BNC2: variants seen among roughly 807,000 people sequenced by gnomAD.
BNC2 encodes the protein zinc finger protein basonuclin-2.
A neutral mutation model predicts 76.3 loss-of-function variants in BNC2; 20 were observed. The observed-to-expected ratio is 0.26, with a 90% CI of 0.18 to 0.38. BNC2 has a LOEUF of 0.38. BNC2 is among the 10% of genes least tolerant of loss of function. The pLI, the probability that BNC2 is intolerant of heterozygous loss-of-function variation, is 1.00. For synonymous variants in BNC2, 582 were observed against 514.8 expected, an observed-to-expected ratio of 1.13 and a Z score of -1.77; for missense variants, 1,382 against 1,399.8, an observed-to-expected ratio of 0.99 and a Z score of 0.20.
At chr9:16,663,769 A>C (rs1027497811) in intron 3 of BNC2, among the ~76,000 whole-genome samples, 1 of 152,214 alleles carries the variant, frequency 6.6e-6, no homozygotes, top group African/African-American at 2.4e-5. Flanking sequence ...TCAGGTGTGA[A>C]TATTATTTCC....
At chr9:16,774,943 AAT>A (rs1825924049) in intron 1 of BNC2, among the ~76,000 whole-genome samples, 1 of 152,206 alleles carries the variant, frequency 6.6e-6, no homozygotes, top group African/African-American at 2.4e-5. Flanking sequence ...CTTTTACTAA[AAT>A]ATGCTCAGTT....
intron 1 of BNC2, among the ~76,000 whole-genome samples, chr9:16,747,555 G>A (rs928918729): frequency 6.6e-6 from 1 of 152,192 alleles, no homozygotes; most frequent in African/African-American, 2.4e-5. Context: ...GGAAATCGAA[G>A]CTAAGAGAGT....
chr9:16,578,264 G>C (rs944134121), intron 4 of BNC2, among the ~76,000 whole-genome samples: 3 of 152,114 alleles, frequency 2.0e-5, no homozygotes, highest in African/African-American at 7.2e-5. Flanking sequence ...TTAGAATTCA[G>C]TTTGTTTTCT....
intron 2 of BNC2, among the ~76,000 whole-genome samples, chr9:16,733,347 G>A (rs1328741785): frequency 6.6e-6 from 1 of 152,104 alleles, no homozygotes; most frequent in Non-Finnish European, 1.5e-5. Flanking sequence ...ACTTTATTGT[G>A]TAAAGTTTCA....
chr9:16,664,698 CAAAAACAAA>C (rs1179669674), intron 3 of BNC2, among the ~76,000 whole-genome samples: 4 of 132,202 alleles, frequency 3.0e-5, no homozygotes, highest in African/African-American at 9.8e-5. Flanking sequence ...AGGAAAAAAA[CAAAAACAAA>C]AAAAACAAAA....
chr9:16,480,897 C>G (rs1021900743), intron 5 of BNC2, among the ~76,000 whole-genome samples: 2 of 152,244 alleles, frequency 1.3e-5, no homozygotes, highest in African/African-American at 4.8e-5. Context: ...AGTGCGAGCA[C>G]ATGGCACGGG....
chr9:16,473,840 T>G (rs1821874453), intron 5 of BNC2, among the ~76,000 whole-genome samples: 2 of 152,064 alleles, frequency 1.3e-5, no homozygotes, highest in Admixed American at 1.3e-4. Context: ...GCCACTGCAC[T>G]CCAGCCTGGG....
intron 6 of BNC2, among the ~76,000 whole-genome samples, chr9:16,425,048 T>C (rs1410319138): frequency 3.9e-5 from 6 of 152,236 alleles, no homozygotes; most frequent in African/African-American, 1.4e-4. Context: ...TGTGAAATTC[T>C]AGTGGGTAAC....
intron 1 of BNC2, among the ~76,000 whole-genome samples, chr9:16,808,051 G>C (rs1005633715): frequency 6.6e-6 from 1 of 152,066 alleles, no homozygotes; most frequent in African/African-American, 2.4e-5. Flanking sequence ...GCAAAAAGGA[G>C]GTGGGCCATA....
chr9:16,833,015 C>T (rs1249089506), intron 1 of BNC2, among the ~76,000 whole-genome samples: 3 of 152,058 alleles, frequency 2.0e-5, no homozygotes, highest in South Asian at 2.1e-4. Flanking sequence ...TAAGCCCCCC[C>T]GCCCTACCCA....
intron 1 of BNC2, among the ~76,000 whole-genome samples, chr9:16,755,978 T>TA (rs764274860): frequency 5.9e-5 from 9 of 152,226 alleles, no homozygotes; most frequent in Non-Finnish European, 8.8e-5. Flanking sequence ...AATGTAGAGA[T>TA]ACGTCTAAGT....
At chr9:16,594,200 AT>A (rs1188804684) in intron 3 of BNC2, among the ~76,000 whole-genome samples, 1 of 152,178 alleles carries the variant, frequency 6.6e-6, no homozygotes, top group Non-Finnish European at 1.5e-5. Flanking sequence ...AAATTCTGGT[AT>A]GTTTCAAAAG....
intron 4 of BNC2, 151 bp downstream of exon 4, chr9:16,582,832 A>AG: frequency 2.9e-6 from 2 of 694,650 alleles, no homozygotes; most frequent in Admixed American, 4.5e-5. Flanking sequence ...GCTGAATCTT[A>AG]ACTAACACTT....
At chr9:16,627,760 C>T (rs1821040155) in intron 3 of BNC2, among the ~76,000 whole-genome samples, 1 of 152,102 alleles carries the variant, frequency 6.6e-6, no homozygotes, top group African/African-American at 2.4e-5. Context: ...GTTCTTCACC[C>T]GTCATGGGCA....
rs1289047223 is a variant in BNC2 at position 16,765,401 on chromosome 9, G to C, written c.4-26916C>G. Reference sequence around the variant, plus strand: ...CCACCCCTGAAATGAAGGGATAAAAGCTAAATTTTGGTTTCTAAACAGATG... The same window carrying C: ...CCACCCCTGAAATGAAGGGATAAAACCTAAATTTTGGTTTCTAAACAGATG... On this transcript the variant is annotated intron_variant, in intron 1 of 6. Coordinates refer to ENST00000380672, the MANE Select transcript of BNC2 (RefSeq NM_017637.6). 2.0e-5 allele frequency among the ~76,000 whole-genome samples: 3 copies of C among 152,188 alleles called. No homozygotes were observed. In the East Asian group the frequency reaches 5.8e-4, roughly 29 times the overall value.
At chr9:16,691,272 A>G (rs563729800) in intron 3 of BNC2, among the ~76,000 whole-genome samples, 1 of 152,278 alleles carries the variant, frequency 6.6e-6, no homozygotes, top group Admixed American at 6.5e-5. Flanking sequence ...TTACTTCTAA[A>G]TGAGAAAACT....
At chr9:16,587,436 T>C (rs1819804005) in intron 3 of BNC2, among the ~76,000 whole-genome samples, 2 of 152,162 alleles carry the variant, frequency 1.3e-5, no homozygotes, top group Admixed American at 1.3e-4. Context: ...TTTTCACTGA[T>C]ATTCTGCCTT....
chr9:16,716,946 G>A (rs767586725), intron 3 of BNC2, among the ~76,000 whole-genome samples: 10 of 152,030 alleles, frequency 6.6e-5, no homozygotes, highest in Non-Finnish European at 1.5e-4. Context: ...TAAGTAAACA[G>A]TTCACAAAAT....
In BNC2 at chr9:16,411,425, G is replaced by C. The variant is rs1255608021; in HGVS notation, c.*7564C>G. ...TTCTTTTTTAAAAAAGTGAAACAAAGCATTAAAAAAACTATTACAAACGTC... is the reference window on the plus strand; with the variant it reads ...TTCTTTTTTAAAAAAGTGAAACAAACCATTAAAAAAACTATTACAAACGTC... On this transcript the variant is annotated 3_prime_UTR_variant, in exon 7 of 7. Transcript: ENST00000380672. 2 of 152,380 alleles carry C rather than the reference G, an allele frequency of 1.3e-5. No homozygotes were observed. The highest frequency in any genetic ancestry group is 1.3e-4 in the Admixed American group (2 of 15,258). 9.4% of individuals were successfully genotyped at this position (152,380 alleles called of 1,614,324 possible).
Sources: gnomAD v4.1 joint callset for allele counts (sites outside exome capture counted in the v4.1 genomes callset) on GRCh38, gnomAD v4.1.1 for gene constraint, MANE v1.5 for transcripts, NCBI Gene and HGNC (gene_info 2026-07-23, HGNC 2026-07-21) for gene names.